PKN2: variants seen among roughly 807,000 people sequenced by gnomAD.
The protein encoded by PKN2 is protein kinase N2, also known as serine/threonine-protein kinase N2.
In PKN2, 38 loss-of-function variants were observed where a neutral mutation model predicts 119.1. The observed-to-expected ratio is 0.32, with a 90% CI of 0.25 to 0.42. The LOEUF is 0.42. PKN2 is among the 10% of genes least tolerant of loss of function. PKN2 has a pLI of 1.00. For missense variants in PKN2, 850 were observed against 1,165.1 expected (o/e 0.73, Z 3.94); for synonymous variants, 390 against 384.9 (o/e 1.01, Z -0.15).
chr1:88,801,699 C>T (rs1057257789), intron 8 of PKN2, among the ~76,000 whole-genome samples: 7 of 152,136 alleles, frequency 4.6e-5, no homozygotes, highest in African/African-American at 1.4e-4. Flanking sequence ...TAATCGGTGC[C>T]GTGAAGAAAA....
chr1:88,738,506 T>C (rs1668445322), intron 1 of PKN2, among the ~76,000 whole-genome samples: 1 of 152,242 alleles, frequency 6.6e-6, no homozygotes, highest in African/African-American at 2.4e-5. Flanking sequence ...AGAGATGATT[T>C]CTTGAAGTAA....
chr1:88,821,848 A>T, intron 16 of PKN2, 93 bp from the exon 17 acceptor site: 1 of 936,064 alleles, frequency 1.1e-6, no homozygotes, highest in Non-Finnish European at 1.5e-6. Context: ...GAAATAAATT[A>T]ATGATAGGTC....
Position 88,693,043 on chromosome 1 carries a change from G to A in PKN2, c.48+8415G>A, listed in dbSNP as rs1346659708. Among the ~76,000 whole-genome samples the A allele has an allele frequency of 2.0e-5, 3 of 152,190 alleles. 1 individual carries two copies. The highest frequency in any genetic ancestry group is 7.2e-5 in the African/African-American group (3 of 41,460). ...CTTCACACATGCTAGGCACCCAAAT[G>A]CTAGGTTGATTTAGTTAATGAGTAA... On this transcript the variant is annotated intron_variant, in intron 1 of 21. Transcript: ENST00000370521.
chr1:88,694,847 T>G lies in PKN2; in HGVS notation c.48+10219T>G, dbSNP rs76558956. 4.8e-3 allele frequency among the ~76,000 whole-genome samples: 727 copies of G among 152,298 alleles called. 3 individuals carry two copies. Among genetic ancestry groups the G allele is most frequent in the African/African-American group, 0.016 (683 of 41,572 alleles). On this transcript the variant is annotated intron_variant, in intron 1 of 21. Transcript: ENST00000370521. Reference sequence around the variant, plus strand: ...TTTCTGTTTATTTAATAGCATTGATTTTTGAATATGGAGATAGGTCTGAGT... The same window carrying G: ...TTTCTGTTTATTTAATAGCATTGATGTTTGAATATGGAGATAGGTCTGAGT...
intron 6 of PKN2, among the ~76,000 whole-genome samples, chr1:88,778,178 A>G (rs1181771354): frequency 6.6e-6 from 1 of 152,158 alleles, no homozygotes; most frequent in East Asian, 1.9e-4. Context: ...CTGTAACCCA[A>G]CCACCTTGGG....
intron 16 of PKN2, among the ~76,000 whole-genome samples, chr1:88,818,660 A>G (rs181379759): frequency 0.016 from 2,483 of 151,822 alleles, 45 homozygotes; most frequent in South Asian, 0.067. Context: ...AAAAAAAAAA[A>G]AAAGAAAAAG....
chr1:88,783,918 A>T (rs773233840), intron 6 of PKN2, among the ~76,000 whole-genome samples: 1 of 152,160 alleles, frequency 6.6e-6, no homozygotes, highest in Non-Finnish European at 1.5e-5. Context: ...GTTATACAAA[A>T]ACCCTGTAAA....
chr1:88,762,056 G>T (rs988501944), intron 3 of PKN2, among the ~76,000 whole-genome samples: 4 of 152,112 alleles, frequency 2.6e-5, no homozygotes, highest in Non-Finnish European at 5.9e-5. Context: ...AGTTTGAGGG[G>T]TTTATGAACC....
At chr1:88,772,156 C>T (rs1669922349) in intron 6 of PKN2, among the ~76,000 whole-genome samples, 1 of 152,172 alleles carries the variant, frequency 6.6e-6, no homozygotes, top group African/African-American at 2.4e-5. Context: ...CCCATTCCCC[C>T]TTCCTCCCAG....
In PKN2 at chr1:88,830,514, C is replaced by A. The variant is rs554979799; in HGVS notation, c.2562+1891C>A. ...TTTTGGTTTTGTTTCATGTAGTATT[C>A]AAGTAAGTATGAGATTTATGAGATT... On this transcript the variant is annotated intron_variant, in intron 19 of 21. Transcript: ENST00000370521. Among the ~76,000 whole-genome samples, 4 of 151,870 alleles carry A rather than the reference C, an allele frequency of 2.6e-5. No homozygotes were observed. In the South Asian group the frequency reaches 6.2e-4, roughly 24 times the overall value.
At chr1:88,728,440 T>C (rs530608218) in intron 1 of PKN2, among the ~76,000 whole-genome samples, 7 of 152,352 alleles carry the variant, frequency 4.6e-5, no homozygotes, top group African/African-American at 1.7e-4. Context: ...TTTGCTGTTA[T>C]CAAAATTTTT....
At chr1:88,777,587 TAG>T (rs1318038264) in intron 6 of PKN2, among the ~76,000 whole-genome samples, 2 of 152,206 alleles carry the variant, frequency 1.3e-5, no homozygotes, top group African/African-American at 4.8e-5. Flanking sequence ...ATCTATTTTG[TAG>T]AGACTATTCT....
chr1:88,735,608 C>CCA (rs1668312091), intron 1 of PKN2, among the ~76,000 whole-genome samples: 1 of 57,484 alleles, frequency 1.7e-5, no homozygotes, highest in Non-Finnish European at 3.7e-5. Flanking sequence ...GCCCACCCCC[C>CCA]CCCCCCCCAC....
chr1:88,720,986 T>C (rs908827715), intron 1 of PKN2, among the ~76,000 whole-genome samples: 2 of 152,124 alleles, frequency 1.3e-5, no homozygotes, highest in East Asian at 1.9e-4. Flanking sequence ...TAGTATCATA[T>C]ACACACACAC....
chr1:88,826,679 T>C lies in PKN2; in HGVS notation c.2420-1802T>C, dbSNP rs950985091. ...TATACAGATGAAGAAACCTAGAATT[T>C]GATGTTAGACAACTTTCCCAACCTC... On this transcript the variant is annotated intron_variant, in intron 18 of 21. Transcript: ENST00000370521. 1.2e-4 allele frequency among the ~76,000 whole-genome samples: 18 copies of C among 152,186 alleles called. No homozygotes were observed. In the East Asian group the frequency reaches 3.5e-3, roughly 29 times the overall value.
rs774644761 is a variant in PKN2 at position 88,828,642 on chromosome 1, G to C, written c.2562+19G>C. The C allele has an allele frequency of 6.3e-7, 1 of 1,590,040 alleles. No homozygotes were observed. Among genetic ancestry groups the C allele is most frequent in the Non-Finnish European group, 8.6e-7 (1 of 1,162,026 alleles). On this transcript the variant is annotated intron_variant, in intron 19 of 21. Coordinates refer to ENST00000370521, the MANE Select transcript of PKN2 (RefSeq NM_006256.4). The stretch of plus-strand genomic sequence containing the variant: ...TGGTGAGGTAAGCAGTGTGAAATAG[G>C]TAAGAGAACAGAGGAAGGATGATTG...
chr1:88,775,897 A>G (rs1670075094), intron 6 of PKN2, among the ~76,000 whole-genome samples: 1 of 151,972 alleles, frequency 6.6e-6, no homozygotes, highest in South Asian at 2.1e-4. Flanking sequence ...CGAGGTCAGA[A>G]GATCGAGACC....
At chr1:88,766,666 C>T (rs1365917151) in intron 3 of PKN2, among the ~76,000 whole-genome samples, 5 of 152,072 alleles carry the variant, frequency 3.3e-5, no homozygotes, top group Non-Finnish European at 7.4e-5. Flanking sequence ...TATGTAAAAA[C>T]TTTCCCAAAA....
At chr1:88,739,797 T>C (rs1332309282) in intron 1 of PKN2, among the ~76,000 whole-genome samples, 3 of 152,224 alleles carry the variant, frequency 2.0e-5, no homozygotes, top group Non-Finnish European at 4.4e-5. Context: ...CTTAACTGAT[T>C]GGATTTTCAT....
Sources: gnomAD v4.1 joint callset for allele counts (sites outside exome capture counted in the v4.1 genomes callset) on GRCh38, gnomAD v4.1.1 for gene constraint, MANE v1.5 for transcripts, NCBI Gene and HGNC (gene_info 2026-07-23, HGNC 2026-07-21) for gene names.